Variants in ZNF362 observed in about 807,000 individuals in gnomAD.
The protein encoded by ZNF362 is rotund homolog.
A neutral mutation model predicts 42.9 loss-of-function variants in ZNF362; 11 were observed. The ratio of observed to expected loss-of-function variants is 0.26; its 90% CI spans 0.16 to 0.42. The LOEUF is 0.42. Ranked by LOEUF, ZNF362 falls within the 20% of genes least tolerant of loss-of-function variation. The pLI, the probability that ZNF362 is intolerant of heterozygous loss-of-function variation, is 1.00. For synonymous variants in ZNF362, 255 were observed against 257.3 expected, an observed-to-expected ratio of 0.99 and a Z score of 0.09; for missense variants, 362 against 576.2, an observed-to-expected ratio of 0.63 and a Z score of 3.81.
At chr1:33,269,411 T>G (rs901984737) in intron 1 of ZNF362, among the ~76,000 whole-genome samples, 1 of 152,218 alleles carries the variant, frequency 6.6e-6, no homozygotes. Flanking sequence ...TCCCTGAAGC[T>G]TTCTTTTTCT....
chr1:33,237,515 A>T, the ZNF362 span, among the ~76,000 whole-genome samples: 1 of 152,154 alleles, frequency 6.6e-6, no homozygotes, highest in Non-Finnish European at 1.5e-5. Context: ...TACTACCAGA[A>T]AGGAAAAGAG....
the ZNF362 span, chr1:33,142,886 T>G: frequency 2.0e-5 from 3 of 152,020 alleles, no homozygotes; most frequent in Non-Finnish European, 4.4e-5. Flanking sequence ...GACGTTTCCC[T>G]GCTCAAACAC....
chr1:33,250,805 G>GAGA, the ZNF362 span, among the ~76,000 whole-genome samples: 1 of 144,398 alleles, frequency 6.9e-6, no homozygotes, highest in Non-Finnish European at 1.5e-5. Context: ...GGAGGAGAAG[G>GAGA]AGAAGAAGAA....
At chr1:33,216,372 C>T in the ZNF362 span, among the ~76,000 whole-genome samples, 3 of 146,270 alleles carry the variant, frequency 2.1e-5, no homozygotes, top group East Asian at 4.0e-4. Flanking sequence ...GAGGCTGAAG[C>T]GGGCAGATCA....
the ZNF362 span, among the ~76,000 whole-genome samples, chr1:33,246,592 G>T: frequency 2.6e-5 from 4 of 152,210 alleles, no homozygotes; most frequent in Non-Finnish European, 5.9e-5. Flanking sequence ...ACCTGAGATG[G>T]TACAGCTCTC....
intron 6 of ZNF362, among the ~76,000 whole-genome samples, chr1:33,284,932 G>A (rs1450095628): frequency 6.6e-6 from 1 of 152,170 alleles, no homozygotes; most frequent in Admixed American, 6.6e-5. Flanking sequence ...TGTCAACGTG[G>A]CAGCCTGTAT....
chr1:33,159,926 G>A, the ZNF362 span: 24 of 1,605,214 alleles, frequency 1.5e-5, no homozygotes, highest in Admixed American at 3.3e-5. This position sits in a 1 kb window ranked among gnomAD's most constrained non-coding sequence, Gnocchi z 4.2. Flanking sequence ...ATAGTGGTCC[G>A]CAGGCTCTTG....
At chr1:33,256,267 C>A (rs1645789066), upstream of ZNF362, among the ~76,000 whole-genome samples, 1 of 143,698 alleles carries the variant, frequency 7.0e-6, no homozygotes, top group Admixed American at 6.9e-5. Flanking sequence ...GCCCCCCGCC[C>A]GGCCCCCTCC....
chr1:33,209,406 A>C, the ZNF362 span, among the ~76,000 whole-genome samples: 38 of 152,284 alleles, frequency 2.5e-4, no homozygotes, highest in African/African-American at 8.4e-4. Context: ...TGTCTCTGCC[A>C]GGCTTTGGTA....
At chr1:33,245,980 G>A in the ZNF362 span, among the ~76,000 whole-genome samples, 1 of 152,086 alleles carries the variant, frequency 6.6e-6, no homozygotes. Context: ...ACAGCTGTGG[G>A]AAGACAAAGG....
chr1:33,142,744 C>T, the ZNF362 span: 1 of 152,338 alleles, frequency 6.6e-6, no homozygotes, highest in Admixed American at 6.5e-5. Flanking sequence ...TGCTGCCTGT[C>T]ACTGGAGCCA....
the ZNF362 span, among the ~76,000 whole-genome samples, chr1:33,202,019 G>A: frequency 6.6e-6 from 1 of 152,198 alleles, no homozygotes; most frequent in Middle Eastern, 3.2e-3. Flanking sequence ...TAACTTAGAT[G>A]AAATGGACAA....
At chr1:33,159,339 A>G in the ZNF362 span, among the ~76,000 whole-genome samples, 3 of 152,150 alleles carry the variant, frequency 2.0e-5, no homozygotes, top group African/African-American at 4.8e-5. The surrounding 1 kb of genome is among the most constrained non-coding windows in gnomAD (Gnocchi z 4.2). Flanking sequence ...TCTATAATGT[A>G]TACAGAATAT....
chr1:33,236,927 T>C, the ZNF362 span, among the ~76,000 whole-genome samples: 4 of 151,614 alleles, frequency 2.6e-5, no homozygotes, highest in South Asian at 8.4e-4. Context: ...AAAAATTAGC[T>C]GGGCGTGGTG....
chr1:33,159,953 G>T, the ZNF362 span: 25 of 1,599,634 alleles, frequency 1.6e-5, no homozygotes, highest in Non-Finnish European at 2.1e-5. The surrounding 1 kb of genome is among the most constrained non-coding windows in gnomAD (Gnocchi z 4.2). Flanking sequence ...GACTGTGGGG[G>T]ACAGTCGTCA....
the ZNF362 span, among the ~76,000 whole-genome samples, chr1:33,240,035 A>T: frequency 1.3e-5 from 2 of 152,244 alleles, no homozygotes; most frequent in African/African-American, 4.8e-5. Context: ...TAAATATAGA[A>T]ATGAGAGTTG....
chr1:33,165,514 G>T, the ZNF362 span: 2 of 1,610,598 alleles, frequency 1.2e-6, no homozygotes, highest in Non-Finnish European at 1.7e-6. This position sits in a 1 kb window ranked among gnomAD's most constrained non-coding sequence, Gnocchi z 4.0. Context: ...CAGCGCTTCG[G>T]TGTGTTCCCG....
chr1:33,164,369 C>G, the ZNF362 span: 1 of 152,460 alleles, frequency 6.6e-6, no homozygotes, highest in African/African-American at 2.4e-5. Flanking sequence ...CGGGGTCAGC[C>G]TGAAATCACC....
chr1:33,150,188 G>A, the ZNF362 span, among the ~76,000 whole-genome samples: 1 of 152,244 alleles, frequency 6.6e-6, no homozygotes, highest in Non-Finnish European at 1.5e-5. Context: ...GAGGAAAAGT[G>A]GGAAGAAGGA....
Sources: allele counts gnomAD v4.1 joint callset (sites outside exome capture counted in the v4.1 genomes callset), GRCh38; gene constraint gnomAD v4.1.1; non-coding constraint Gnocchi (gnomAD v3.1); transcripts MANE v1.5; gene names NCBI Gene and HGNC (gene_info 2026-07-23, HGNC 2026-07-21).